Variants in INTS3 observed in about 807,000 individuals in gnomAD.
INTS3 encodes integrator complex subunit 3, also known as SOSS complex subunit A.
In INTS3, 34 loss-of-function variants were observed where a neutral mutation model predicts 146.3. The ratio of observed to expected loss-of-function variants is 0.23; its 90% CI spans 0.18 to 0.31. INTS3 has a LOEUF of 0.31. INTS3 is among the 10% of genes least tolerant of loss of function. INTS3 has a pLI of 1.00. For missense variants in INTS3, 757 were observed against 1,304.2 expected, an observed-to-expected ratio of 0.58 and a Z score of 6.46; for synonymous variants, 475 against 494.9, an observed-to-expected ratio of 0.96 and a Z score of 0.53.
intron 25 of INTS3, among the ~76,000 whole-genome samples, chr1:153,771,481 A>G (rs1413428926): frequency 6.6e-6 from 1 of 151,936 alleles, no homozygotes; most frequent in Admixed American, 6.5e-5. Flanking sequence ...TCTGCATGCC[A>G]CATGCTTGTG....
intron 8 of INTS3, among the ~76,000 whole-genome samples, 167 bp downstream of exon 8, chr1:153,752,575 G>A (rs1273707153): frequency 1.3e-5 from 2 of 152,196 alleles, no homozygotes; most frequent in Non-Finnish European, 2.9e-5. Flanking sequence ...AATGGCAGAG[G>A]TACAGAACAA....
chr1:153,747,563 A>G, intron 5 of INTS3, 200 bp downstream of exon 5: 3 of 603,978 alleles, frequency 5.0e-6, no homozygotes, highest in South Asian at 4.0e-5. Context: ...TTAAAGCAGT[A>G]AGTCTTGCCT....
intron 10 of INTS3, among the ~76,000 whole-genome samples, chr1:153,759,120 C>CA (rs1315873212): frequency 1.3e-5 from 2 of 151,218 alleles, no homozygotes; most frequent in Non-Finnish European, 3.0e-5. Context: ...CTCATCTCTA[C>CA]AAAAAAATAG....
At chr1:153,746,839 T>G (rs1671764811) in intron 3 of INTS3, 118 bp from the exon 4 acceptor site, 1 of 646,322 alleles carries the variant, frequency 1.5e-6, no homozygotes, top group Non-Finnish European at 2.8e-6. Context: ...TCATTGCTAC[T>G]CGGTGTCTTA....
chr1:153,746,773 A>G (rs950931775), intron 3 of INTS3, 184 bp from the exon 4 acceptor site: 12 of 569,920 alleles, frequency 2.1e-5, no homozygotes, highest in Admixed American at 6.4e-5. Flanking sequence ...AGAACAAGGG[A>G]TAGGTTGGGA....
intron 3 of INTS3, among the ~76,000 whole-genome samples, chr1:153,742,087 C>G (rs1671553945): frequency 6.6e-6 from 1 of 152,152 alleles, no homozygotes; most frequent in Non-Finnish European, 1.5e-5. Flanking sequence ...GAACAGGATG[C>G]TCATGGTTCC....
chr1:153,762,220 G>A (rs553617747), intron 14 of INTS3, among the ~76,000 whole-genome samples: 5 of 152,298 alleles, frequency 3.3e-5, no homozygotes, highest in Admixed American at 2.0e-4. Flanking sequence ...AGGCTGAGGC[G>A]GGTGGATCAC....
chr1:153,760,286 G>A (rs1429980439), intron 11 of INTS3, 25 bp from the exon 12 acceptor site: 2 of 1,474,556 alleles, frequency 1.4e-6, no homozygotes, highest in Non-Finnish European at 1.9e-6. Flanking sequence ...TGATGTGAGG[G>A]GCTCTTTAAT....
At chr1:153,769,744 C>G (rs1672743165) in intron 22 of INTS3, 25 bp from the exon 23 acceptor site, 2 of 1,557,040 alleles carry the variant, frequency 1.3e-6, no homozygotes, top group South Asian at 2.2e-5. Context: ...CTGATGGGTT[C>G]TGCCTCCTTC....
In INTS3 at chr1:153,728,063, C is replaced by T. The variant is rs879510236; in HGVS notation, c.-572C>T. The T allele has an allele frequency of 5.3e-5, 10 of 190,428 alleles. No individual in the cohort carries two copies. The highest frequency in any genetic ancestry group is 2.0e-4 in the South Asian group (1 of 4,962). 11.8% of individuals were successfully genotyped at this position (190,428 alleles called of 1,614,324 possible). Reference sequence around the variant, plus strand: ...CCCCCGCCCTCCGCCTTCCCACCCCCCGCCCTTCCACTATGGCCGCTTCTG... The same window carrying T: ...CCCCCGCCCTCCGCCTTCCCACCCCTCGCCCTTCCACTATGGCCGCTTCTG... On this transcript the variant is annotated 5_prime_UTR_variant, in exon 1 of 30. Transcript: ENST00000318967.
At chr1:153,740,430 CT>C (rs985651637) in intron 1 of INTS3, among the ~76,000 whole-genome samples, 1 of 152,154 alleles carries the variant, frequency 6.6e-6, no homozygotes, top group African/African-American at 2.4e-5. Context: ...GTTTCCCTCA[CT>C]TTTTTTCTTG....
chr1:153,751,919 A>G (rs1570857254), intron 7 of INTS3, among the ~76,000 whole-genome samples: 1 of 152,266 alleles, frequency 6.6e-6, no homozygotes, highest in African/African-American at 2.4e-5. Context: ...GTTAGACAAA[A>G]TAAGTTTGAG....
At chr1:153,742,476 C>CTGTGTGTGTGTGTG (rs1161319800) in intron 3 of INTS3, among the ~76,000 whole-genome samples, 10 of 60,250 alleles carry the variant, frequency 1.7e-4, no homozygotes, top group African/African-American at 7.9e-4. Flanking sequence ...GTTTTTTAAT[C>CTGTGTGTGTGTGTG]TCTGTGTGTG....
At position 153,751,188 on chromosome 1, in the gene INTS3, G is replaced by C. The variant is rs755523551; in HGVS notation, c.678G>C (p.Gln226His). The C allele has an allele frequency of 8.1e-6, 13 of 1,614,198 alleles. No individual in the cohort carries two copies. Among genetic ancestry groups the C allele is most frequent in the South Asian group, 1.1e-5 (1 of 91,082 alleles). The change falls in exon 7 of 30, where the codon CAG (glutamine) becomes CAC (histidine). Residue 226 changes from glutamine (Q) to histidine (H), a missense_variant. Physicochemically the swap from Gln to His is conservative, Grantham distance 24 (BLOSUM62 0). Transcript: ENST00000318967. ...ACCACCATGGGACTGCCCAGCTCCA[G>C]GCCCTGCGACAGAAGGAAGTAGACT... Reference protein sequence around the residue: ...IVDHHGTAQLQALRQKEVDFC... With the variant: ...IVDHHGTAQLHALRQKEVDFC...
intron 1 of INTS3, among the ~76,000 whole-genome samples, chr1:153,733,189 A>T (rs1217394061): frequency 1.0e-5 from 1 of 99,292 alleles, no homozygotes; most frequent in Non-Finnish European, 2.0e-5. Flanking sequence ...AGCAGTATTT[A>T]CCGAATGCTT....
At chr1:153,751,654 T>C (rs1164165014) in intron 7 of INTS3, among the ~76,000 whole-genome samples, 1 of 152,246 alleles carries the variant, frequency 6.6e-6, no homozygotes, top group African/African-American at 2.4e-5. Flanking sequence ...TTGTAGATAC[T>C]GGGCCTTGCT....
Position 153,772,062 on chromosome 1 carries a change from G to A in INTS3, c.2720+99G>A. 1 of 1,294,338 alleles carries A rather than the reference G, an allele frequency of 7.7e-7. No individual in the cohort carries two copies. The highest frequency in any genetic ancestry group is 1.1e-6 in the Non-Finnish European group (1 of 942,420). The allele number at this position is 1,294,338 out of a possible 1,614,324, so 80.2% of individuals were successfully genotyped here. On this transcript the variant is annotated intron_variant, in intron 26 of 29. Coordinates refer to ENST00000318967, the MANE Select transcript of INTS3 (RefSeq NM_023015.5). This position sits in a 1 kb window ranked among gnomAD's most constrained non-coding sequence, Gnocchi z 4.6. ...GTGGTGGTGGTGGTGATGGGGGTCAGTGCTGTCCCAGCCTGGTTTGTGGGC... is the reference window on the plus strand; with the variant it reads ...GTGGTGGTGGTGGTGATGGGGGTCAATGCTGTCCCAGCCTGGTTTGTGGGC...
chr1:153,772,102 C>A lies in INTS3; in HGVS notation c.2720+139C>A. On this transcript the variant is annotated intron_variant, in intron 26 of 29. Transcript: ENST00000318967. This position sits in a 1 kb window ranked among gnomAD's most constrained non-coding sequence, Gnocchi z 4.6. The stretch of plus-strand genomic sequence containing the variant: ...GGTTTGTGGGCGACATCTAGTGGTC[C>A]GAAGCCACATGGCATGCGAGACCAC... 1 of 1,027,776 alleles carries A rather than the reference C, an allele frequency of 9.7e-7. No individual in the cohort carries two copies. Among genetic ancestry groups the A allele is most frequent in the Non-Finnish European group, 1.4e-6 (1 of 713,358 alleles). 63.7% of individuals were successfully genotyped at this position (1,027,776 alleles called of 1,614,324 possible).
At chr1:153,764,806 C>A in intron 19 of INTS3, 72 bp downstream of exon 19, 1 of 1,511,982 alleles carries the variant, frequency 6.6e-7, no homozygotes, top group Non-Finnish European at 9.2e-7. Context: ...GTGCTCCTGT[C>A]CTGGGGTAAT....
Sources: gnomAD v4.1 joint callset for allele counts (sites outside exome capture counted in the v4.1 genomes callset) on GRCh38, gnomAD v4.1.1 for gene constraint, Gnocchi (gnomAD v3.1) non-coding constraint, MANE v1.5 for transcripts, NCBI Gene and HGNC (gene_info 2026-07-23, HGNC 2026-07-21) for gene names.